Variants in ZPBP observed in about 807,000 individuals in gnomAD.
ZPBP encodes the protein zona pellucida-binding protein 1.
Under a neutral mutation model 44.8 loss-of-function variants are expected in ZPBP, and 26 were observed. The ratio of observed to expected loss-of-function variants is 0.58; its 90% CI spans 0.43 to 0.81. The LOEUF (loss-of-function observed/expected upper bound fraction) is 0.81. Ranked by LOEUF, ZPBP falls within the 30% of genes least tolerant of loss-of-function variation. The pLI is 0.00. For missense variants in ZPBP, 409 were observed against 434.0 expected (o/e 0.94, Z 0.51); for synonymous variants, 174 against 153.2 (o/e 1.14, Z -1.00).
chr7:50,068,362 A>C (rs542540135), intron 3 of ZPBP, among the ~76,000 whole-genome samples: 3 of 151,692 alleles, frequency 2.0e-5, no homozygotes, highest in Non-Finnish European at 1.5e-5. Flanking sequence ...CTGACACTTT[A>C]TAGCCTGTCT....
chr7:49,945,882 T>A (rs538026949), intron 7 of ZPBP, among the ~76,000 whole-genome samples: 2 of 152,248 alleles, frequency 1.3e-5, no homozygotes, highest in African/African-American at 4.8e-5. Context: ...TGTCACTTGT[T>A]TTCTGGTTGT....
intron 1 of ZPBP, chr7:49,918,135 A>G (rs1018967380): frequency 6.6e-6 from 1 of 152,182 alleles, no homozygotes; most frequent in African/African-American, 2.4e-5. Context: ...ATCACATTTA[A>G]CCTCACAGTT....
chr7:49,850,133 CAG>C (rs1477910717), downstream of ZPBP, among the ~76,000 whole-genome samples: 4 of 152,200 alleles, frequency 2.6e-5, no homozygotes, highest in South Asian at 4.1e-4. Flanking sequence ...TGCAGGAAAA[CAG>C]AGCACAGTGC....
intron 6 of ZPBP, among the ~76,000 whole-genome samples, chr7:50,017,372 A>G (rs936925747): frequency 6.6e-6 from 1 of 152,114 alleles, no homozygotes; most frequent in East Asian, 1.9e-4. Flanking sequence ...AGGTGGTAAT[A>G]CAAGCGATGG....
intron 1 of ZPBP, 77 bp from the exon 2 acceptor site, chr7:50,089,786 G>C: frequency 8.5e-7 from 1 of 1,173,490 alleles, no homozygotes; most frequent in Non-Finnish European, 1.2e-6. Flanking sequence ...AGTATCTTTG[G>C]TATTGGTTGA....
chr7:49,937,649 T>A lies in ZPBP; in HGVS notation c.962-27A>T, dbSNP rs145023887. The stretch of plus-strand genomic sequence containing the variant: ...TGTGAAAAAAGAGTAAGTTAATAAG[T>A]AGTATTTTCCTAATACACATAATAT... On this transcript the variant is annotated intron_variant, in intron 7 of 7. Transcript: ENST00000046087. 3.8e-6 allele frequency: 6 copies of A among 1,560,572 alleles called. No homozygotes were observed. In the African/African-American group the frequency reaches 8.1e-5, roughly 21 times the overall value.
At chr7:49,960,932 T>C (rs1795841540) in intron 7 of ZPBP, among the ~76,000 whole-genome samples, 1 of 152,190 alleles carries the variant, frequency 6.6e-6, no homozygotes, top group Non-Finnish European at 1.5e-5. Flanking sequence ...ATAAGTGTGT[T>C]ACACAGTTAA....
chr7:49,885,023 A>G (rs564879410), intron 2 of ZPBP, among the ~76,000 whole-genome samples: 56 of 152,280 alleles, frequency 3.7e-4, no homozygotes, highest in African/African-American at 1.3e-3. Flanking sequence ...GTATGGCTAA[A>G]TTTAAAATTA....
At chr7:50,002,782 T>G (rs1249280098) in intron 6 of ZPBP, among the ~76,000 whole-genome samples, 1 of 152,146 alleles carries the variant, frequency 6.6e-6, no homozygotes, top group Non-Finnish European at 1.5e-5. Context: ...AAAGCAATAC[T>G]TGAATGAATC....
chr7:49,956,533 A>C (rs12672757), intron 7 of ZPBP, among the ~76,000 whole-genome samples: 118,373 of 151,926 alleles, frequency 0.78, 46,315 homozygotes, highest in East Asian at 0.89. Flanking sequence ...AGCCACAATA[A>C]CACTTATAAT....
chr7:49,896,073 G>A (rs1163594014), intron 2 of ZPBP, among the ~76,000 whole-genome samples: 1 of 152,182 alleles, frequency 6.6e-6, no homozygotes, highest in African/African-American at 2.4e-5. Context: ...CGGTGTGGTG[G>A]CTCACACCTG....
intron 2 of ZPBP, among the ~76,000 whole-genome samples, chr7:50,087,823 G>A (rs1404062953): frequency 6.6e-6 from 1 of 151,948 alleles, no homozygotes; most frequent in Non-Finnish European, 1.5e-5. Flanking sequence ...TTCATAGATT[G>A]AAAGACTTAA....
chr7:49,850,626 T>C (rs1208882290), intron 2 of ZPBP: 1 of 152,236 alleles, frequency 6.6e-6, no homozygotes, highest in Non-Finnish European at 1.5e-5. Flanking sequence ...AATTTCATAT[T>C]ACCTAAAGGA....
downstream of ZPBP, among the ~76,000 whole-genome samples, chr7:49,936,458 C>T (rs539454934): frequency 6.6e-6 from 1 of 152,270 alleles, no homozygotes; most frequent in South Asian, 2.1e-4. Flanking sequence ...AAAAGTCTAA[C>T]ACATCCTAGG....
intron 6 of ZPBP, among the ~76,000 whole-genome samples, chr7:50,012,280 C>A (rs1333553653): frequency 6.6e-6 from 1 of 152,012 alleles, no homozygotes; most frequent in Non-Finnish European, 1.5e-5. Context: ...CCTACATGTA[C>A]TTCAGATATA....
chr7:49,971,444 T>C (rs1489250976), intron 7 of ZPBP, among the ~76,000 whole-genome samples: 1 of 152,128 alleles, frequency 6.6e-6, no homozygotes, highest in Non-Finnish European at 1.5e-5. Flanking sequence ...ATTGATTTTA[T>C]ACAAACAGAA....
At chr7:49,999,591 C>G (rs1229643775) in intron 6 of ZPBP, among the ~76,000 whole-genome samples, 1 of 152,090 alleles carries the variant, frequency 6.6e-6, no homozygotes, top group African/African-American at 2.4e-5. Context: ...GTCTGAGAAC[C>G]AAAAGATGAT....
chr7:49,943,968 A>G, intron 7 of ZPBP: 2 of 308,908 alleles, frequency 6.5e-6, no homozygotes, highest in Admixed American at 4.1e-5. Flanking sequence ...ACTGCATATC[A>G]CTTGCAAATA....
At chr7:49,962,894 T>A (rs1466214606) in intron 7 of ZPBP, among the ~76,000 whole-genome samples, 1 of 151,572 alleles carries the variant, frequency 6.6e-6, no homozygotes, top group African/African-American at 2.4e-5. Flanking sequence ...AAGAAAAAAT[T>A]TGAGAAACTT....
Sources: allele counts gnomAD v4.1 joint callset (sites outside exome capture counted in the v4.1 genomes callset), GRCh38; gene constraint gnomAD v4.1.1; transcripts MANE v1.5; gene names NCBI Gene and HGNC (gene_info 2026-07-23, HGNC 2026-07-21).